The following ITGBL1 variants were observed in gnomAD, a reference collection of about 807,000 sequenced individuals.
ITGBL1 encodes integrin subunit beta like 1, also known as integrin beta-like protein 1.
ITGBL1 carries 51 observed loss-of-function variants against 68.5 expected under a neutral mutation model. That is an observed-to-expected ratio of 0.74 (90% CI 0.59 to 0.94). The LOEUF (loss-of-function observed/expected upper bound fraction) is 0.94. ITGBL1 is among the 40% of genes least tolerant of loss of function. The pLI is 0.00. For missense variants in ITGBL1, 649 were observed against 647.4 expected (o/e 1.00, Z -0.03); for synonymous variants, 209 against 227.3 (o/e 0.92, Z 0.72).
intron 2 of ITGBL1, among the ~76,000 whole-genome samples, chr13:101,454,405 C>CTT (rs1566681695): frequency 3.5e-4 from 14 of 40,296 alleles, no homozygotes; most frequent in African/African-American, 8.5e-4. Context: ...CTGGTCCCCC[C>CTT]CCCCCCCCCC....
intron 7 of ITGBL1, among the ~76,000 whole-genome samples, chr13:101,663,194 G>T (rs1723080639): frequency 6.6e-6 from 1 of 152,138 alleles, no homozygotes; most frequent in Non-Finnish European, 1.5e-5. Context: ...AATAGTAAAT[G>T]TCTTTGGGAA....
intron 2 of ITGBL1, among the ~76,000 whole-genome samples, chr13:101,507,343 GACTT>G (rs747085612): frequency 2.6e-4 from 40 of 152,172 alleles, no homozygotes; most frequent in Non-Finnish European, 4.9e-4. Context: ...ACAAATAGAT[GACTT>G]ACTTATTTAC....
At chr13:101,549,329 T>A (rs2049881094) in intron 2 of ITGBL1, among the ~76,000 whole-genome samples, 1 of 151,912 alleles carries the variant, frequency 6.6e-6, no homozygotes, top group South Asian at 2.1e-4. Context: ...AAAATCAAAC[T>A]TTCAAGAAGA....
intron 2 of ITGBL1, among the ~76,000 whole-genome samples, chr13:101,462,515 A>G (rs1341669919): frequency 6.6e-6 from 1 of 152,190 alleles, no homozygotes; most frequent in African/African-American, 2.4e-5. Context: ...TCGAGGATGC[A>G]AGGGCTGAGT....
At chr13:101,634,651 A>C (rs755942579) in intron 7 of ITGBL1, among the ~76,000 whole-genome samples, 2 of 152,266 alleles carry the variant, frequency 1.3e-5, no homozygotes, top group Non-Finnish European at 2.9e-5. Context: ...GGACCTACTC[A>C]GCTAAGAGTG....
intron 2 of ITGBL1, among the ~76,000 whole-genome samples, chr13:101,463,093 C>T (rs1368995178): frequency 6.6e-6 from 1 of 152,096 alleles, no homozygotes; most frequent in African/African-American, 2.4e-5. Context: ...AATGACAGTG[C>T]CAAACACATA....
At chr13:101,503,038 A>T (rs2048969121) in intron 2 of ITGBL1, among the ~76,000 whole-genome samples, 1 of 152,188 alleles carries the variant, frequency 6.6e-6, no homozygotes, top group East Asian at 1.9e-4. Flanking sequence ...CATTAATCTG[A>T]TAGTGGTTTG....
intron 2 of ITGBL1, among the ~76,000 whole-genome samples, chr13:101,536,138 C>T (rs1014197719): frequency 6.6e-6 from 1 of 151,820 alleles, no homozygotes; most frequent in Non-Finnish European, 1.5e-5. Context: ...GAGATACCAT[C>T]TCACACCAGT....
intron 2 of ITGBL1, among the ~76,000 whole-genome samples, chr13:101,531,700 G>GTTAT (rs10551253): frequency 0.012 from 1,749 of 140,020 alleles, 15 homozygotes; most frequent in Admixed American, 0.021. Flanking sequence ...TTTTTATTTT[G>GTTAT]TTATTTATTT....
At chr13:101,619,793 A>G (rs888326965) in intron 7 of ITGBL1, among the ~76,000 whole-genome samples, 16 of 152,186 alleles carry the variant, frequency 1.1e-4, no homozygotes, top group Non-Finnish European at 2.2e-4. Flanking sequence ...AGAATTATGT[A>G]TAAAAGATTA....
chr13:101,692,754 G>A, intron 8 of ITGBL1, 53 bp downstream of exon 8: 2 of 1,117,164 alleles, frequency 1.8e-6, no homozygotes, highest in African/African-American at 1.5e-5. Context: ...TGCTTTACCT[G>A]CCTTTGTTAT....
At chr13:101,700,408 T>C (rs2034108628) in intron 8 of ITGBL1, among the ~76,000 whole-genome samples, 1 of 152,212 alleles carries the variant, frequency 6.6e-6, no homozygotes, top group Non-Finnish European at 1.5e-5. Context: ...TTCTCTGTGT[T>C]TCCACTGCCA....
intron 7 of ITGBL1, among the ~76,000 whole-genome samples, chr13:101,641,347 T>A (rs569008221): frequency 3.3e-5 from 5 of 152,160 alleles, no homozygotes; most frequent in African/African-American, 9.6e-5. Context: ...CATATATTTC[T>A]TTTTATTTTT....
At chr13:101,567,548 A>T (rs2139250574) in intron 2 of ITGBL1, 151 bp from the exon 3 acceptor site, 1 of 544,062 alleles carries the variant, frequency 1.8e-6, no homozygotes, top group African/African-American at 1.9e-5. Flanking sequence ...ATTTTATATA[A>T]TAGCATTACC....
chr13:101,531,043 G>A (rs531917124), intron 2 of ITGBL1, among the ~76,000 whole-genome samples: 26 of 67,478 alleles, frequency 3.9e-4, no homozygotes, highest in Non-Finnish European at 6.6e-4. Flanking sequence ...AGAAATATTA[G>A]AGGATTTTTT....
chr13:101,524,750 C>T (rs1356196520), intron 2 of ITGBL1, among the ~76,000 whole-genome samples: 2 of 149,926 alleles, frequency 1.3e-5, no homozygotes, highest in Admixed American at 6.7e-5. Context: ...AATGAATACA[C>T]ATTTATTTGG....
intron 7 of ITGBL1, among the ~76,000 whole-genome samples, chr13:101,621,347 A>G (rs1047068137): frequency 1.3e-5 from 2 of 152,110 alleles, no homozygotes; most frequent in African/African-American, 2.4e-5. Context: ...CAGTGTTTCT[A>G]TTTCTGTTTA....
chr13:101,498,608 C>T (rs1051774768), intron 2 of ITGBL1, among the ~76,000 whole-genome samples: 1 of 152,138 alleles, frequency 6.6e-6, no homozygotes, highest in Non-Finnish European at 1.5e-5. Context: ...GGTTAAATGT[C>T]ATCAAGCATT....
intron 3 of ITGBL1, among the ~76,000 whole-genome samples, chr13:101,575,144 A>G (rs9557704): frequency 2.1e-4 from 32 of 151,978 alleles, no homozygotes; most frequent in Admixed American, 9.2e-4. Context: ...TTGGATGGCT[A>G]TATGTGGAGT....
Sources: allele counts gnomAD v4.1 joint callset (sites outside exome capture counted in the v4.1 genomes callset), GRCh38; gene constraint gnomAD v4.1.1; transcripts MANE v1.5; gene names NCBI Gene and HGNC (gene_info 2026-07-23, HGNC 2026-07-21).